ZNF804B: variants seen among roughly 807,000 people sequenced by gnomAD.
The protein encoded by ZNF804B is zinc finger 804B.
Under a neutral mutation model 101.4 loss-of-function variants are expected in ZNF804B, and 80 were observed. The ratio of observed to expected loss-of-function variants is 0.79; its 90% CI spans 0.66 to 0.95. The LOEUF (loss-of-function observed/expected upper bound fraction) is 0.95, where lower values mean the gene tolerates loss of function less well. Ranked by LOEUF, ZNF804B falls within the 40% of genes least tolerant of loss-of-function variation. The pLI, the probability that ZNF804B is intolerant of heterozygous loss-of-function variation, is 0.00. For synonymous variants in ZNF804B, 622 were observed against 558.8 expected (o/e 1.11, Z -1.59); for missense variants, 1,673 against 1,561.9 (o/e 1.07, Z -1.20).
chr7:89,333,274 C>G, intron 3 of ZNF804B, 89 bp from the exon 4 acceptor site: 1 of 1,251,358 alleles, frequency 8.0e-7, no homozygotes, highest in South Asian at 1.8e-5. Flanking sequence ...TGTAAAATAA[C>G]TCATCTTAGA....
intron 1 of ZNF804B, among the ~76,000 whole-genome samples, chr7:88,857,822 C>CTTTTTTTTTTTTTTTTTTTTTTTTTTT (rs55841922): frequency 1.2e-5 from 1 of 81,422 alleles, no homozygotes; most frequent in Non-Finnish European, 2.2e-5. Flanking sequence ...CCTTTCTTTT[C>CTTTTTTTTTTTTTTTTTTTTTTTTTTT]TTTTTTTTTT....
intron 2 of ZNF804B, among the ~76,000 whole-genome samples, chr7:89,248,035 C>T (rs554020909): frequency 6.6e-6 from 1 of 151,778 alleles, no homozygotes; most frequent in Non-Finnish European, 1.5e-5. Flanking sequence ...TGGAGTAAGC[C>T]AGTTAAACCA....
In ZNF804B at chr7:88,965,960, C is replaced by T. The variant is rs562909841; in HGVS notation, c.108+205876C>T. Among the ~76,000 whole-genome samples the T allele has an allele frequency of 8.6e-5, 13 of 151,414 alleles. No individual in the cohort carries two copies. In the South Asian group the frequency reaches 1.0e-3, roughly 12 times the overall value. On this transcript the variant is annotated intron_variant, in intron 1 of 3. Transcript: ENST00000333190. Reference sequence around the variant, plus strand: ...GAAAAATTTTTGCAAGCAAAAAGTCCTAAGTTTAAATCACCTCAATTAAGT... The same window carrying T: ...GAAAAATTTTTGCAAGCAAAAAGTCTTAAGTTTAAATCACCTCAATTAAGT...
chr7:89,135,487 A>C (rs1790617598), intron 1 of ZNF804B, among the ~76,000 whole-genome samples: 1 of 152,030 alleles, frequency 6.6e-6, no homozygotes, highest in Non-Finnish European at 1.5e-5. Flanking sequence ...TTTTACTTTA[A>C]AACATTATAA....
chr7:88,814,702 G>A (rs10245990), intron 1 of ZNF804B, among the ~76,000 whole-genome samples: 66,198 of 151,462 alleles, frequency 0.44, 15,230 homozygotes, highest in East Asian at 0.78. Context: ...AATGGGAATA[G>A]ATGCCAATGC....
At chr7:88,985,251 CA>C (rs58927850) in intron 1 of ZNF804B, among the ~76,000 whole-genome samples, 2,023 of 125,884 alleles carry the variant, frequency 0.016, 14 homozygotes, top group East Asian at 0.042. Context: ...TTTGTTTAAC[CA>C]AAAAAAAAAA....
rs1291035977 is a variant in ZNF804B at position 89,221,748 on chromosome 7, T to TCTATC, written c.249+3454_249+3458dup. On this transcript the variant is annotated intron_variant, in intron 2 of 3. Coordinates refer to ENST00000333190, the MANE Select transcript of ZNF804B (RefSeq NM_181646.5). ...TCTATTCTATTCTATTCTATTCTAT[T>TCTATC]CTATCTATATGCACACTTCCATCTT... is the stretch of plus-strand genomic sequence containing the variant. Among the ~76,000 whole-genome samples the TCTATC allele has an allele frequency of 7.3e-4, 99 of 135,018 alleles. 1 individual carries two copies. The highest frequency in any genetic ancestry group is 1.2e-3 in the Non-Finnish European group (74 of 61,598). The allele number at this position is 135,018 out of a possible 152,430, so 88.6% of individuals were successfully genotyped here.
At chr7:88,955,905 T>A (rs1584037651) in intron 1 of ZNF804B, among the ~76,000 whole-genome samples, 1 of 151,016 alleles carries the variant, frequency 6.6e-6, no homozygotes, top group Non-Finnish European at 1.5e-5. Context: ...CAAAAAAAAA[T>A]TAATTTAAAA....
chr7:88,969,150 A>T (rs1199992815), intron 1 of ZNF804B, among the ~76,000 whole-genome samples: 2 of 151,618 alleles, frequency 1.3e-5, no homozygotes, highest in Admixed American at 1.3e-4. Flanking sequence ...GCTACTAATT[A>T]CATTTAGTAT....
intron 1 of ZNF804B, among the ~76,000 whole-genome samples, chr7:88,762,337 T>C (rs1789910563): frequency 6.6e-6 from 1 of 152,208 alleles, no homozygotes; most frequent in Non-Finnish European, 1.5e-5. Flanking sequence ...TTATTCATTC[T>C]CTATCATTGG....
chr7:88,998,511 G>A (rs1428158826), intron 1 of ZNF804B, among the ~76,000 whole-genome samples: 1 of 152,004 alleles, frequency 6.6e-6, no homozygotes, highest in African/African-American at 2.4e-5. Context: ...CAGAGGAGAT[G>A]ATATTATCTC....
chr7:88,879,058 C>T (rs557064853), intron 1 of ZNF804B, among the ~76,000 whole-genome samples: 3 of 152,140 alleles, frequency 2.0e-5, no homozygotes, highest in East Asian at 1.9e-4. Flanking sequence ...CAGATTCCCG[C>T]GATACTCAGA....
chr7:89,017,055 C>T (rs1343147638), intron 1 of ZNF804B, among the ~76,000 whole-genome samples: 3 of 152,072 alleles, frequency 2.0e-5, no homozygotes, highest in Non-Finnish European at 4.4e-5. Context: ...CCTTCACATC[C>T]CTTGTAAGTT....
intron 1 of ZNF804B, among the ~76,000 whole-genome samples, chr7:88,822,035 G>A (rs1040428202): frequency 3.3e-5 from 5 of 152,080 alleles, no homozygotes; most frequent in South Asian, 4.1e-4. Context: ...TAGTACAAAC[G>A]GTCATTGACT....
At chr7:88,895,624 G>A (rs1792273249) in intron 1 of ZNF804B, among the ~76,000 whole-genome samples, 1 of 152,116 alleles carries the variant, frequency 6.6e-6, no homozygotes, top group African/African-American at 2.4e-5. Flanking sequence ...GAAATGCATG[G>A]TTATGGGACT....
chr7:89,034,186 G>A (rs761831134), intron 1 of ZNF804B, among the ~76,000 whole-genome samples: 8 of 152,058 alleles, frequency 5.3e-5, no homozygotes, highest in Non-Finnish European at 1.0e-4. Flanking sequence ...CTGGAGGGTG[G>A]AGATTATAGG....
intron 2 of ZNF804B, among the ~76,000 whole-genome samples, chr7:89,226,764 G>A (rs1001326591): frequency 2.0e-5 from 3 of 152,038 alleles, no homozygotes; most frequent in Non-Finnish European, 4.4e-5. Flanking sequence ...TTCCAACTGA[G>A]CTTCATAACA....
chr7:88,891,286 T>C (rs1196173290), intron 1 of ZNF804B, among the ~76,000 whole-genome samples: 2 of 152,172 alleles, frequency 1.3e-5, no homozygotes, highest in Admixed American at 6.6e-5. Context: ...TATACACTTT[T>C]GGTATTGCTC....
intron 1 of ZNF804B, among the ~76,000 whole-genome samples, chr7:89,038,168 TTTAC>T (rs1314002241): frequency 3.9e-5 from 6 of 152,270 alleles, no homozygotes; most frequent in East Asian, 1.9e-4. Context: ...ATATACTGAT[TTTAC>T]TTACTTACTT....
Sources: allele counts gnomAD v4.1 joint callset (sites outside exome capture counted in the v4.1 genomes callset), GRCh38; gene constraint gnomAD v4.1.1; transcripts MANE v1.5; gene names NCBI Gene and HGNC (gene_info 2026-07-23, HGNC 2026-07-21).